The following UNC13C variants were observed in gnomAD, a reference collection of about 807,000 sequenced individuals.
The protein encoded by UNC13C is unc-13 homolog C.
Under a neutral mutation model 245.4 loss-of-function variants are expected in UNC13C, and 174 were observed. The ratio of observed to expected loss-of-function variants is 0.71; its 90% CI spans 0.63 to 0.80. The LOEUF (loss-of-function observed/expected upper bound fraction) is 0.80. UNC13C is among the 30% of genes least tolerant of loss of function. The probability of loss-of-function intolerance (pLI) is 0.00; values close to 1 mark genes in which losing one functional copy is unlikely to be tolerated. For synonymous variants in UNC13C, 992 were observed against 895.1 expected (o/e 1.11, Z -1.93); for missense variants, 2,829 against 2,602.9 (o/e 1.09, Z -1.89).
chr15:54,219,618 G>C (rs1466678811), intron 4 of UNC13C, among the ~76,000 whole-genome samples: 2 of 149,570 alleles, frequency 1.3e-5, no homozygotes, highest in African/African-American at 4.9e-5. Context: ...TTAAACTAAA[G>C]AGCTTCTGCA....
chr15:54,214,576 C>T (rs2034982895), intron 4 of UNC13C, among the ~76,000 whole-genome samples: 1 of 151,904 alleles, frequency 6.6e-6, no homozygotes, highest in African/African-American at 2.4e-5. Context: ...GATTATTAAA[C>T]ATTTTAGGGT....
At chr15:54,040,379 A>G (rs1896760912) in intron 2 of UNC13C, among the ~76,000 whole-genome samples, 1 of 152,196 alleles carries the variant, frequency 6.6e-6, no homozygotes, top group Admixed American at 6.5e-5. Flanking sequence ...TCTGTGAACC[A>G]GCATGATGCT....
intron 17 of UNC13C, among the ~76,000 whole-genome samples, chr15:54,349,264 G>A (rs2038927802): frequency 6.6e-6 from 1 of 151,170 alleles, no homozygotes; most frequent in South Asian, 2.1e-4. Flanking sequence ...GTAGTATATT[G>A]CCATGTCTTA....
intron 13 of UNC13C, among the ~76,000 whole-genome samples, chr15:54,309,256 G>C (rs1234480393): frequency 6.6e-6 from 1 of 151,846 alleles, no homozygotes; most frequent in East Asian, 1.9e-4. Flanking sequence ...CTGATGATTA[G>C]TGATGTTACA....
chr15:54,149,611 T>G (rs1312290677), intron 4 of UNC13C, among the ~76,000 whole-genome samples: 1 of 152,210 alleles, frequency 6.6e-6, no homozygotes, highest in African/African-American at 2.4e-5. Flanking sequence ...TTTGTTAATT[T>G]CTTCTTCCAC....
At chr15:53,840,472 G>C in the UNC13C span, among the ~76,000 whole-genome samples, 3 of 151,964 alleles carry the variant, frequency 2.0e-5, no homozygotes, top group South Asian at 4.2e-4. Context: ...ATAGGAAGGG[G>C]CATGAAATAA....
At chr15:54,604,646 C>T (rs1310301186) in intron 30 of UNC13C, among the ~76,000 whole-genome samples, 12 of 152,288 alleles carry the variant, frequency 7.9e-5, no homozygotes, top group Admixed American at 7.2e-4. Flanking sequence ...CCTTTACAGT[C>T]AGCAATTCCT....
chr15:54,210,125 C>T (rs181772641), intron 4 of UNC13C, among the ~76,000 whole-genome samples: 44 of 150,612 alleles, frequency 2.9e-4, no homozygotes, highest in Admixed American at 8.0e-4. Context: ...TGAAGAATCT[C>T]GTATGCTACC....
downstream of UNC13C, chr15:54,630,334 A>G (rs562609149): frequency 4.6e-5 from 7 of 152,286 alleles, no homozygotes; most frequent in Non-Finnish European, 5.9e-5. Flanking sequence ...ATTTATCTTA[A>G]ATGAGGCACA....
chr15:53,848,626 A>G, the UNC13C span, among the ~76,000 whole-genome samples: 4 of 152,274 alleles, frequency 2.6e-5, no homozygotes, highest in East Asian at 1.9e-4. Flanking sequence ...CTCTGTGTCA[A>G]TTAGGCCAAG....
intron 17 of UNC13C, among the ~76,000 whole-genome samples, chr15:54,364,869 T>C (rs1251311937): frequency 6.6e-6 from 1 of 152,226 alleles, no homozygotes; most frequent in Non-Finnish European, 1.5e-5. Context: ...AATTATAGTA[T>C]GCTAGAGCTA....
At chr15:54,120,457 C>T (rs1488521900) in intron 2 of UNC13C, among the ~76,000 whole-genome samples, 2 of 152,080 alleles carry the variant, frequency 1.3e-5, no homozygotes, top group Non-Finnish European at 2.9e-5. Context: ...AGCTCATTTA[C>T]AATGTACTTG....
chr15:54,267,098 G>A (rs12914912), intron 10 of UNC13C, among the ~76,000 whole-genome samples: 84,960 of 151,756 alleles, frequency 0.56, 25,449 homozygotes, highest in African/African-American at 0.78. Context: ...AATGACAACA[G>A]AGTGACCCAT....
chr15:54,216,728 G>T lies in UNC13C; in HGVS notation c.3072-18302G>T, dbSNP rs990426690. On this transcript the variant is annotated intron_variant, in intron 4 of 32. Transcript: ENST00000260323. The stretch of plus-strand genomic sequence containing the variant: ...CATGCCCAGAGTGAGCGAGATGAAA[G>T]ACATTAATATTCTATGCCCTATTTA... 2.0e-5 allele frequency among the ~76,000 whole-genome samples: 3 copies of T among 151,948 alleles called. No individual in the cohort carries two copies. In the East Asian group the frequency reaches 5.8e-4, roughly 29 times the overall value.
At chr15:53,952,203 A>C in the UNC13C span, among the ~76,000 whole-genome samples, 1 of 152,158 alleles carries the variant, frequency 6.6e-6, no homozygotes, top group East Asian at 1.9e-4. Context: ...TGTTGAATAC[A>C]TTGCCCTAAA....
chr15:54,240,278 T>C (rs936029115), intron 7 of UNC13C, among the ~76,000 whole-genome samples: 5 of 152,236 alleles, frequency 3.3e-5, no homozygotes, highest in African/African-American at 1.2e-4. Context: ...CTATGACTTC[T>C]GTACAACAGG....
intron 19 of UNC13C, among the ~76,000 whole-genome samples, chr15:54,484,995 T>C (rs1469575438): frequency 3.2e-5 from 4 of 124,192 alleles, no homozygotes; most frequent in Non-Finnish European, 5.1e-5. Flanking sequence ...TGAACTATTA[T>C]GGATGAATTT....
At chr15:54,598,485 C>T (rs1040579816) in intron 30 of UNC13C, among the ~76,000 whole-genome samples, 15 of 152,210 alleles carry the variant, frequency 9.9e-5, no homozygotes, top group African/African-American at 2.2e-4. Flanking sequence ...AGAGATAGTT[C>T]GATGCTCTCC....
chr15:53,899,150 A>G, the UNC13C span, among the ~76,000 whole-genome samples: 7 of 152,200 alleles, frequency 4.6e-5, no homozygotes, highest in African/African-American at 1.7e-4. Flanking sequence ...TCTGTGCACT[A>G]TATCCTGTTA....
Sources: allele counts gnomAD v4.1 joint callset (sites outside exome capture counted in the v4.1 genomes callset), GRCh38; gene constraint gnomAD v4.1.1; transcripts MANE v1.5; gene names NCBI Gene and HGNC (gene_info 2026-07-23, HGNC 2026-07-21).